Variants in PPP1R12A observed in about 807,000 individuals in gnomAD.
PPP1R12A encodes protein phosphatase 1 regulatory subunit 12A.
Under a neutral mutation model 139.6 loss-of-function variants are expected in PPP1R12A, and 19 were observed. The ratio of observed to expected loss-of-function variants is 0.14; its 90% CI spans 0.09 to 0.20. The LOEUF is 0.20. Among genes scored for constraint, PPP1R12A ranks in the 10% least tolerant of loss-of-function variants. PPP1R12A has a pLI of 1.00. For synonymous variants in PPP1R12A, 427 were observed against 420.6 expected, an observed-to-expected ratio of 1.02 and a Z score of -0.19; for missense variants, 925 against 1,211.5, an observed-to-expected ratio of 0.76 and a Z score of 3.51.
intron 1 of PPP1R12A, among the ~76,000 whole-genome samples, chr12:79,883,971 G>T (rs1388420540): frequency 1.3e-5 from 2 of 152,090 alleles, no homozygotes; most frequent in African/African-American, 4.8e-5. Context: ...GCTGAGAAAA[G>T]GAGAACTAAG....
chr12:79,843,396 T>C (rs7954784), intron 3 of PPP1R12A, among the ~76,000 whole-genome samples: 15,653 of 151,680 alleles, frequency 0.1, 2,179 homozygotes, highest in African/African-American at 0.32. Context: ...GCCAACACGG[T>C]AAAACCCCAT....
At chr12:79,808,030 T>C (rs1449687410) in intron 11 of PPP1R12A, among the ~76,000 whole-genome samples, 1 of 150,936 alleles carries the variant, frequency 6.6e-6, no homozygotes, top group Non-Finnish European at 1.5e-5. Flanking sequence ...AGCGAGACTC[T>C]GTCTCAAAAA....
At chr12:79,883,103 C>T (rs1455804374) in intron 1 of PPP1R12A, among the ~76,000 whole-genome samples, 2 of 152,116 alleles carry the variant, frequency 1.3e-5, no homozygotes, top group African/African-American at 4.8e-5. Context: ...TGCCACTGCA[C>T]TCCAGCCTCG....
At chr12:79,929,214 T>A (rs1026707431) in intron 1 of PPP1R12A, among the ~76,000 whole-genome samples, 4 of 152,178 alleles carry the variant, frequency 2.6e-5, no homozygotes, top group African/African-American at 9.6e-5. Context: ...CCGCTGCTGA[T>A]CTGACAAGAG....
At chr12:79,845,891 C>CAT (rs1879320554) in intron 2 of PPP1R12A, among the ~76,000 whole-genome samples, 4 of 148,958 alleles carry the variant, frequency 2.7e-5, no homozygotes, top group South Asian at 2.1e-4. Context: ...TTTACCAATA[C>CAT]AAAAATGTTA....
chr12:79,873,070 C>T, intron 1 of PPP1R12A, 132 bp from the exon 2 acceptor site: 1 of 999,322 alleles, frequency 1.0e-6, no homozygotes, highest in Non-Finnish European at 1.4e-6. Context: ...CTGCTGCTAT[C>T]TTGACTATAC....
intron 2 of PPP1R12A, among the ~76,000 whole-genome samples, chr12:79,866,669 G>A (rs1175563522): frequency 6.6e-6 from 1 of 152,154 alleles, no homozygotes; most frequent in Non-Finnish European, 1.5e-5. Context: ...GATATGAACA[G>A]CCACTTCTCA....
chr12:79,877,248 C>T (rs11834831), intron 1 of PPP1R12A, among the ~76,000 whole-genome samples: 41 of 152,198 alleles, frequency 2.7e-4, no homozygotes, highest in African/African-American at 8.2e-4. Flanking sequence ...AGCAAGCTGA[C>T]GGCAGTTTTC....
intron 1 of PPP1R12A, among the ~76,000 whole-genome samples, chr12:79,883,902 A>T (rs1416642544): frequency 3.3e-5 from 5 of 152,172 alleles, no homozygotes; most frequent in African/African-American, 4.8e-5. Context: ...AAAATAGATG[A>T]TTATATCAAA....
Position 79,810,079 on chromosome 12 carries a change from A to T in PPP1R12A, c.1240-69T>A. On this transcript the variant is annotated intron_variant, in intron 9 of 24. Transcript: ENST00000450142. ...AAGCTGATCAGTCCTTAAATTGGAAACAATAAGTTTACAGATAATATATTT... is the reference window on the plus strand; with the variant it reads ...AAGCTGATCAGTCCTTAAATTGGAATCAATAAGTTTACAGATAATATATTT... 5 of 1,200,584 alleles carry T rather than the reference A, an allele frequency of 4.2e-6. No homozygotes were observed. In the South Asian group the frequency reaches 7.4e-5, roughly 18 times the overall value. 74.4% of individuals were successfully genotyped at this position (1,200,584 alleles called of 1,614,324 possible).
chr12:79,884,122 C>G (rs1345915344), intron 1 of PPP1R12A, among the ~76,000 whole-genome samples: 1 of 152,082 alleles, frequency 6.6e-6, no homozygotes, highest in Non-Finnish European at 1.5e-5. Context: ...AGAATAGGGT[C>G]TTATCTGCCA....
intron 23 of PPP1R12A, among the ~76,000 whole-genome samples, chr12:79,781,583 A>G (rs1448163000): frequency 6.6e-6 from 1 of 152,078 alleles, no homozygotes; most frequent in Non-Finnish European, 1.5e-5. Context: ...GTTTTTTTAA[A>G]TTCATTAAAA....
intron 5 of PPP1R12A, among the ~76,000 whole-genome samples, chr12:79,824,389 T>C (rs1008120934): frequency 1.3e-5 from 2 of 152,198 alleles, no homozygotes; most frequent in South Asian, 4.1e-4. Context: ...TTGAAAATGT[T>C]TGAACTGTAA....
At chr12:79,806,421 G>GA in intron 12 of PPP1R12A, 88 bp from the exon 13 acceptor site, 18 of 1,271,956 alleles carry the variant, frequency 1.4e-5, no homozygotes, top group East Asian at 2.4e-5. Flanking sequence ...TACAAGGCTA[G>GA]AAAAAAAATT....
At chr12:79,888,636 T>C (rs915833386) in intron 1 of PPP1R12A, among the ~76,000 whole-genome samples, 2 of 149,730 alleles carry the variant, frequency 1.3e-5, no homozygotes, top group Non-Finnish European at 2.9e-5. Context: ...ACAGAATCCA[T>C]GTCCTAAATA....
chr12:79,797,464 A>G (rs1030594571), intron 15 of PPP1R12A, 69 bp from the exon 16 acceptor site: 2 of 1,380,724 alleles, frequency 1.4e-6, no homozygotes, highest in East Asian at 2.5e-5. Flanking sequence ...TATTTTAGAA[A>G]TAGATATATT....
At chr12:79,788,809 A>C (rs1323279064) in intron 20 of PPP1R12A, 26 bp from the exon 21 acceptor site, 1 of 1,546,300 alleles carries the variant, frequency 6.5e-7, no homozygotes, top group Admixed American at 2.0e-5. Flanking sequence ...TTAAATAAAA[A>C]ACCTTGTTAT....
intron 1 of PPP1R12A, among the ~76,000 whole-genome samples, chr12:79,897,206 CA>C (rs1445562902): frequency 3.9e-5 from 6 of 152,058 alleles, no homozygotes; most frequent in African/African-American, 1.4e-4. Context: ...TCTAGAGAGC[CA>C]TAAAAAAATA....
intron 9 of PPP1R12A, 133 bp downstream of exon 9, chr12:79,817,261 A>C (rs767653967): frequency 3.7e-6 from 3 of 818,284 alleles, no homozygotes; most frequent in Non-Finnish European, 5.4e-6. Flanking sequence ...AGAAACATAA[A>C]TACATATTTA....
Sources: allele counts gnomAD v4.1 joint callset (sites outside exome capture counted in the v4.1 genomes callset), GRCh38; gene constraint gnomAD v4.1.1; transcripts MANE v1.5; gene names NCBI Gene and HGNC (gene_info 2026-07-23, HGNC 2026-07-21).